The following DLG2 variants were observed in gnomAD, a reference collection of about 807,000 sequenced individuals.
DLG2 encodes discs large MAGUK scaffold protein 2, also known as disks large homolog 2.
DLG2 carries 45 observed loss-of-function variants against 132.5 expected under a neutral mutation model. The observed-to-expected ratio is 0.34, with a 90% CI of 0.27 to 0.44. DLG2 has a LOEUF of 0.44. Ranked by LOEUF, DLG2 falls within the 20% of genes least tolerant of loss-of-function variation. DLG2 has a pLI of 1.00. For missense variants in DLG2, 1,045 were observed against 1,196.9 expected, an observed-to-expected ratio of 0.87 and a Z score of 1.87; for synonymous variants, 424 against 419.6, an observed-to-expected ratio of 1.01 and a Z score of -0.13.
chr11:85,513,202 G>T (rs2094111710), intron 3 of DLG2, among the ~76,000 whole-genome samples: 1 of 151,942 alleles, frequency 6.6e-6, no homozygotes, highest in African/African-American at 2.4e-5. Context: ...AAGGGGAAAG[G>T]GAGGGAAGGG....
chr11:84,156,310 AT>A (rs1317805025), intron 9 of DLG2, among the ~76,000 whole-genome samples: 1 of 152,122 alleles, frequency 6.6e-6, no homozygotes, highest in Non-Finnish European at 1.5e-5. Context: ...TAATTTATAC[AT>A]TTTCCATGTA....
chr11:84,097,345 C>G (rs1318751451), intron 10 of DLG2, among the ~76,000 whole-genome samples: 1 of 152,084 alleles, frequency 6.6e-6, no homozygotes, highest in East Asian at 1.9e-4. Context: ...TATCCCATAC[C>G]CTTGATAATT....
chr11:83,673,018 C>T (rs1306577935), intron 18 of DLG2, among the ~76,000 whole-genome samples: 2 of 152,074 alleles, frequency 1.3e-5, no homozygotes, highest in Non-Finnish European at 2.9e-5. Context: ...GCCAAGATAG[C>T]GCCACTGCAC....
At chr11:84,812,773 T>C (rs1210269099) in intron 6 of DLG2, among the ~76,000 whole-genome samples, 1 of 152,142 alleles carries the variant, frequency 6.6e-6, no homozygotes. Flanking sequence ...CTCTCTCCTG[T>C]TGGAAATGTG....
chr11:84,991,235 C>T (rs1424051718), intron 6 of DLG2, among the ~76,000 whole-genome samples: 2 of 152,116 alleles, frequency 1.3e-5, no homozygotes, highest in Admixed American at 6.6e-5. Context: ...GGATGTTGGG[C>T]ATAGTGGCCA....
intron 19 of DLG2, among the ~76,000 whole-genome samples, chr11:83,576,725 A>G (rs969682433): frequency 6.6e-6 from 1 of 152,298 alleles, no homozygotes; most frequent in South Asian, 2.1e-4. Context: ...CTTTTTTCAA[A>G]CATAAAATGC....
At chr11:84,527,440 T>C (rs2099324727) in intron 7 of DLG2, among the ~76,000 whole-genome samples, 1 of 152,184 alleles carries the variant, frequency 6.6e-6, no homozygotes, top group Non-Finnish European at 1.5e-5. Context: ...CAAATGTGCA[T>C]TGCCTACAGA....
At chr11:84,822,960 G>C (rs1349618595) in intron 6 of DLG2, among the ~76,000 whole-genome samples, 2 of 151,842 alleles carry the variant, frequency 1.3e-5, no homozygotes, top group South Asian at 2.1e-4. Context: ...ATATTTAAAA[G>C]TAGTTTTGAT....
intron 6 of DLG2, among the ~76,000 whole-genome samples, chr11:84,771,525 GCA>G (rs1210774390): frequency 1.3e-5 from 2 of 152,152 alleles, no homozygotes; most frequent in East Asian, 1.9e-4. Flanking sequence ...TTTGTCAGAT[GCA>G]CAGTTTGCAA....
intron 6 of DLG2, among the ~76,000 whole-genome samples, chr11:84,707,036 T>A (rs1284774317): frequency 6.6e-6 from 1 of 151,770 alleles, no homozygotes; most frequent in East Asian, 1.9e-4. Flanking sequence ...ATGAAACATT[T>A]CAGATTATCC....
At chr11:83,484,314 A>C in intron 21 of DLG2, 86 bp from the exon 22 acceptor site, 1 of 939,992 alleles carries the variant, frequency 1.1e-6, no homozygotes, top group Non-Finnish European at 1.7e-6. Flanking sequence ...AGTTTGTAAA[A>C]GCACAGAGAG....
chr11:84,544,820 T>C (rs903059072), intron 6 of DLG2, among the ~76,000 whole-genome samples: 1 of 152,172 alleles, frequency 6.6e-6, no homozygotes, highest in Non-Finnish European at 1.5e-5. Context: ...CTCTGCAGAT[T>C]TGTCGTAACA....
At chr11:85,106,812 A>G (rs764071379) in intron 6 of DLG2, among the ~76,000 whole-genome samples, 3 of 152,012 alleles carry the variant, frequency 2.0e-5, no homozygotes, top group Non-Finnish European at 4.4e-5. Flanking sequence ...CACAAATTTC[A>G]TTCAATTCTA....
intron 6 of DLG2, among the ~76,000 whole-genome samples, chr11:85,056,561 G>A (rs2063483995): frequency 6.6e-6 from 1 of 151,942 alleles, no homozygotes; most frequent in South Asian, 2.1e-4. Context: ...AGTATTGAAA[G>A]AGAGAGAATG....
rs372128598 is a variant in DLG2, at chr11:85,624,119, C to A, written c.-93+2468G>T. 1.1e-3 allele frequency among the ~76,000 whole-genome samples: 172 copies of A among 152,248 alleles called. 1 individual carries two copies. In the South Asian group the frequency reaches 0.02, roughly 17 times the overall value. ...AGTCTTCTGTTGATAAAACTGAGAT[C>A]TGTAAAAATGCGAAGAGACTAGAGT... On this transcript the variant is annotated intron_variant, in intron 2 of 27. Transcript: ENST00000376104.
chr11:83,520,771 G>A (rs1263039599), intron 21 of DLG2, among the ~76,000 whole-genome samples: 1 of 151,710 alleles, frequency 6.6e-6, no homozygotes, highest in South Asian at 2.1e-4. Context: ...TTCTTGAGAG[G>A]TATACTTTTG....
intron 6 of DLG2, among the ~76,000 whole-genome samples, chr11:84,654,107 C>A (rs2099685327): frequency 1.3e-5 from 2 of 152,122 alleles, no homozygotes; most frequent in African/African-American, 4.8e-5. Flanking sequence ...CACCATGAAC[C>A]TGAGGACCCT....
intron 6 of DLG2, among the ~76,000 whole-genome samples, chr11:84,672,911 GC>G (rs1207446164): frequency 6.6e-6 from 1 of 152,088 alleles, no homozygotes; most frequent in Non-Finnish European, 1.5e-5. Context: ...GCCTCAGGGA[GC>G]TTTTACTCAT....
intron 11 of DLG2, among the ~76,000 whole-genome samples, chr11:84,016,048 T>C (rs1176244421): frequency 6.6e-6 from 1 of 152,094 alleles, no homozygotes; most frequent in Non-Finnish European, 1.5e-5. Flanking sequence ...GCAGCTGTTG[T>C]TTTTTTGCCT....
Sources: gnomAD v4.1 joint callset for allele counts (sites outside exome capture counted in the v4.1 genomes callset) on GRCh38, gnomAD v4.1.1 for gene constraint, MANE v1.5 for transcripts, NCBI Gene and HGNC (gene_info 2026-07-23, HGNC 2026-07-21) for gene names.